The following GNAS variants were observed in gnomAD, a reference collection of about 807,000 sequenced individuals.
The protein encoded by GNAS is GNAS complex locus.
A neutral mutation model predicts 54.5 loss-of-function variants in GNAS; 8 were observed. The ratio of observed to expected loss-of-function variants is 0.15; its 90% CI spans 0.09 to 0.26. The LOEUF (loss-of-function observed/expected upper bound fraction) is 0.26, where lower values mean the gene tolerates loss of function less well. Ranked by LOEUF, GNAS falls within the 10% of genes least tolerant of loss-of-function variation. The probability of loss-of-function intolerance (pLI) is 1.00; values close to 1 mark genes in which losing one functional copy is unlikely to be tolerated. For missense variants in GNAS, 170 were observed against 529.8 expected, an observed-to-expected ratio of 0.32 and a Z score of 6.67; for synonymous variants, 204 against 191.4, an observed-to-expected ratio of 1.07 and a Z score of -0.54.
rs73307937 is a variant in GNAS at position 58,878,413 on chromosome 20, T to G, written c.44-17199T>G. ...CAGCTGGTAATGAAACAGCAAGGAC[T>G]TAGGGCTTTGCAGTAGGTGAATTAC... On this transcript the variant is annotated intron_variant, in intron 1 of 12. Transcript: ENST00000306090. 2.4e-3 allele frequency among the ~76,000 whole-genome samples: 368 copies of G among 152,360 alleles called. 3 individuals carry two copies. The highest frequency in any genetic ancestry group is 8.3e-3 in the African/African-American group (347 of 41,584).
chr20:58,877,090 G>T (rs953274913), intron 1 of GNAS: 1 of 152,128 alleles, frequency 6.6e-6, no homozygotes, highest in Admixed American at 6.5e-5. Context: ...TTCAACAGCA[G>T]CAAAACTCAG....
intron 6 of GNAS, among the ~76,000 whole-genome samples, chr20:58,907,563 T>C (rs2091156358): frequency 6.6e-6 from 1 of 152,244 alleles, no homozygotes; most frequent in African/African-American, 2.4e-5. Context: ...TTTCGTTAAT[T>C]AACAGTAGCT....
intron 1 of GNAS, among the ~76,000 whole-genome samples, chr20:58,876,106 C>T (rs746883460): frequency 4.6e-5 from 7 of 152,230 alleles, no homozygotes; most frequent in South Asian, 2.1e-4. Context: ...CCATTGAGGG[C>T]GGCCCAGATT....
chr20:58,888,965 T>G, upstream of GNAS: 1 of 574,484 alleles, frequency 1.7e-6, no homozygotes, highest in Non-Finnish European at 2.2e-6. Flanking sequence ...CCCCCCGCCA[T>G]CGCGGCCCCC....
chr20:58,895,988 C>T (rs1489911211), intron 2 of GNAS, among the ~76,000 whole-genome samples: 1 of 152,148 alleles, frequency 6.6e-6, no homozygotes, highest in African/African-American at 2.4e-5. Context: ...CGTGACAGCC[C>T]CTCTCCGGGC....
At chr20:58,903,417 C>A in intron 3 of GNAS, 114 bp from the exon 4 acceptor site, 1 of 920,812 alleles carries the variant, frequency 1.1e-6, no homozygotes, top group Non-Finnish European at 1.7e-6. Context: ...TCCGAACCCA[C>A]AACTCCCTGA....
At chr20:58,862,816 T>C (rs2086848265) in intron 1 of GNAS, among the ~76,000 whole-genome samples, 1 of 151,978 alleles carries the variant, frequency 6.6e-6, no homozygotes, top group Non-Finnish European at 1.5e-5. Context: ...AACTTACTTT[T>C]TGACTTGTCC....
chr20:58,902,077 T>TA (rs2090663199), intron 3 of GNAS, among the ~76,000 whole-genome samples: 1 of 151,412 alleles, frequency 6.6e-6, no homozygotes, highest in African/African-American at 2.4e-5. Flanking sequence ...GTGAAAAAGA[T>TA]AAACTCTGTC....
intron 1 of GNAS, chr20:58,855,650 C>A (rs1364286229): frequency 8.4e-6 from 6 of 710,390 alleles, no homozygotes; most frequent in South Asian, 1.5e-5. Flanking sequence ...TTCAGGTGAG[C>A]CAGGAACTGC....
intron 1 of GNAS, among the ~76,000 whole-genome samples, chr20:58,867,209 A>C (rs920685387): frequency 6.6e-6 from 1 of 152,250 alleles, no homozygotes; most frequent in Non-Finnish European, 1.5e-5. Context: ...GAACCCAAAA[A>C]CAAATGCCAG....
At chr20:58,905,259 C>T in intron 5 of GNAS, 124 bp from the exon 6 acceptor site, 1 of 709,762 alleles carries the variant, frequency 1.4e-6, no homozygotes, top group Non-Finnish European at 2.6e-6. Flanking sequence ...TAATTGGGCT[C>T]AAAATTCAAA....
intron 6 of GNAS, 31 bp downstream of exon 6, chr20:58,905,511 A>G (rs773655786): frequency 1.8e-6 from 2 of 1,115,870 alleles, no homozygotes; most frequent in Non-Finnish European, 2.8e-6. Context: ...CCATCAGCAC[A>G]TAAAACAGAC....
At chr20:58,865,787 T>A (rs1277410120) in intron 1 of GNAS, among the ~76,000 whole-genome samples, 2 of 152,046 alleles carry the variant, frequency 1.3e-5, no homozygotes, top group East Asian at 3.9e-4. Context: ...GTGACCCAGA[T>A]GACCCTAACT....
At chr20:58,859,022 T>C (rs1167266432) in intron 1 of GNAS, among the ~76,000 whole-genome samples, 1 of 152,202 alleles carries the variant, frequency 6.6e-6, no homozygotes, top group African/African-American at 2.4e-5. Flanking sequence ...AATTTTCCCA[T>C]ATAGGTAGAT....
At chr20:58,892,261 C>G (rs1600985732) in intron 1 of GNAS, 4 of 857,112 alleles carry the variant, frequency 4.7e-6, no homozygotes, top group Non-Finnish European at 5.6e-6. Context: ...GAGACTGCGA[C>G]AAAAAGAGGG....
chr20:58,899,063 A>G, intron 3 of GNAS, 78 bp downstream of exon 3: 1 of 1,066,652 alleles, frequency 9.4e-7, no homozygotes, highest in East Asian at 2.4e-5. Flanking sequence ...CTGAGGCCAG[A>G]GACCCGGGAA....
chr20:58,900,026 G>T, intron 3 of GNAS: 1 of 713,884 alleles, frequency 1.4e-6, no homozygotes, highest in South Asian at 1.5e-5. Flanking sequence ...TGCTGGAATT[G>T]CTCGGTCTTA....
chr20:58,867,030 A>G (rs2087110987), intron 1 of GNAS, among the ~76,000 whole-genome samples: 1 of 152,246 alleles, frequency 6.6e-6, no homozygotes. Flanking sequence ...TCTGAAGACT[A>G]GCTTTTTATG....
intron 2 of GNAS, 106 bp from the exon 3 acceptor site, chr20:58,898,835 C>G (rs987381004): frequency 2.9e-6 from 3 of 1,040,470 alleles, no homozygotes; most frequent in South Asian, 2.5e-5. Context: ...CGAATTGTTG[C>G]TTTTGCTCTT....
Sources: gnomAD v4.1 joint callset for allele counts (sites outside exome capture counted in the v4.1 genomes callset) on GRCh38, gnomAD v4.1.1 for gene constraint, MANE v1.5 for transcripts, NCBI Gene and HGNC (gene_info 2026-07-23, HGNC 2026-07-21) for gene names.